The following PPM1H variants were observed in gnomAD, a reference collection of about 807,000 sequenced individuals.
PPM1H encodes protein phosphatase 1H.
Under a neutral mutation model 54.9 loss-of-function variants are expected in PPM1H, and 27 were observed. The ratio of observed to expected loss-of-function variants is 0.49; its 90% confidence interval spans 0.36 to 0.68. The LOEUF is 0.68. Among genes scored for constraint, PPM1H ranks in the 30% least tolerant of loss-of-function variants. The pLI is 0.00. For missense variants in PPM1H, 596 were observed against 667.8 expected (o/e 0.89, Z 1.19); for synonymous variants, 305 against 270.8 (o/e 1.13, Z -1.24).
chr12:62,754,868 T>C (rs1428273479), intron 4 of PPM1H, among the ~76,000 whole-genome samples: 1 of 152,202 alleles, frequency 6.6e-6, no homozygotes, highest in Non-Finnish European at 1.5e-5. Context: ...AGGGTTTCCA[T>C]CCATGAGACA....
At position 62,723,436 on chromosome 12, in the gene PPM1H, A is replaced by T. The variant is rs76523976; in HGVS notation, c.955-3147T>A. Among the ~76,000 whole-genome samples the T allele has an allele frequency of 6.4e-3, 971 of 152,204 alleles. 6 individuals carry two copies. Among genetic ancestry groups the T allele is most frequent in the Non-Finnish European group, 0.01 (700 of 68,016 alleles). On this transcript the variant is annotated intron_variant, in intron 5 of 9. Transcript: ENST00000228705. ...GGTCTGAATGTGTCTCCTAAAATTCATGTGTTGGCAATTTAACCCCTAATG... is the reference window on the plus strand; with the variant it reads ...GGTCTGAATGTGTCTCCTAAAATTCTTGTGTTGGCAATTTAACCCCTAATG...
At chr12:62,681,923 A>G (rs2076020910) in intron 8 of PPM1H, among the ~76,000 whole-genome samples, 1 of 152,202 alleles carries the variant, frequency 6.6e-6, no homozygotes, top group South Asian at 2.1e-4. Context: ...TAAGTACTTC[A>G]TATGTCATTC....
intron 1 of PPM1H, among the ~76,000 whole-genome samples, chr12:62,866,961 C>G (rs540050574): frequency 6.6e-6 from 1 of 152,188 alleles, no homozygotes; most frequent in African/African-American, 2.4e-5. Context: ...TGCTTTCCCC[C>G]TCCTGCCTCA....
At chr12:62,802,540 G>A (rs2076777302) in intron 2 of PPM1H, among the ~76,000 whole-genome samples, 1 of 150,428 alleles carries the variant, frequency 6.6e-6, no homozygotes, top group South Asian at 2.1e-4. Flanking sequence ...TACGAGTCCA[G>A]CTTGAACACC....
intron 1 of PPM1H, among the ~76,000 whole-genome samples, chr12:62,924,225 T>C (rs1871897113): frequency 6.6e-6 from 1 of 152,184 alleles, no homozygotes; most frequent in Admixed American, 6.5e-5. Context: ...GGGGGGGCAG[T>C]AGCCAACTCG....
chr12:62,899,268 G>A (rs1871087234), intron 1 of PPM1H, among the ~76,000 whole-genome samples: 1 of 151,960 alleles, frequency 6.6e-6, no homozygotes, highest in Admixed American at 6.6e-5. Context: ...ATGACAACTG[G>A]TGATCAAAAA....
At chr12:62,889,638 T>G (rs1254394047) in intron 1 of PPM1H, among the ~76,000 whole-genome samples, 1 of 152,190 alleles carries the variant, frequency 6.6e-6, no homozygotes, top group African/African-American at 2.4e-5. Flanking sequence ...TACAGTCAAC[T>G]GATCTTTGAC....
intron 7 of PPM1H, among the ~76,000 whole-genome samples, chr12:62,693,730 T>C (rs563177576): frequency 6.6e-6 from 1 of 152,362 alleles, no homozygotes; most frequent in South Asian, 2.1e-4. Flanking sequence ...GAGTCCCTTG[T>C]GCTCACCGCC....
At chr12:62,659,055 C>T (rs532530900) in intron 9 of PPM1H, 1 of 726,388 alleles carries the variant, frequency 1.4e-6, no homozygotes, top group East Asian at 2.6e-5. Flanking sequence ...GTTCCTGATC[C>T]ACAGCGTCAA....
chr12:62,882,483 TA>T (rs1479575934), intron 1 of PPM1H, among the ~76,000 whole-genome samples: 1 of 152,226 alleles, frequency 6.6e-6, no homozygotes, highest in East Asian at 1.9e-4. Context: ...GATGCACCTC[TA>T]GCAGCTTCTA....
At chr12:62,770,744 CAG>C (rs1346856934) in intron 4 of PPM1H, among the ~76,000 whole-genome samples, 1 of 152,094 alleles carries the variant, frequency 6.6e-6, no homozygotes. Flanking sequence ...GAAAAGCGAG[CAG>C]AGAGATGAAT....
intron 1 of PPM1H, among the ~76,000 whole-genome samples, chr12:62,910,705 G>T (rs1476707233): frequency 1.3e-5 from 2 of 152,084 alleles, no homozygotes; most frequent in African/African-American, 4.8e-5. Flanking sequence ...GATATCTCTT[G>T]ATAAGAAAAA....
At chr12:62,847,689 T>C (rs1345531481) in intron 1 of PPM1H, among the ~76,000 whole-genome samples, 1 of 152,194 alleles carries the variant, frequency 6.6e-6, no homozygotes, top group Non-Finnish European at 1.5e-5. Context: ...ATCAGGCATA[T>C]TTAATCTTCT....
chr12:62,813,577 C>A (rs1017776223), intron 2 of PPM1H, among the ~76,000 whole-genome samples: 22 of 152,150 alleles, frequency 1.4e-4, no homozygotes, highest in Non-Finnish European at 1.9e-4. Context: ...ACATAGTAGA[C>A]AACAGGTTAA....
intron 4 of PPM1H, among the ~76,000 whole-genome samples, chr12:62,758,489 G>A (rs558683126): frequency 3.5e-4 from 54 of 152,126 alleles, no homozygotes; most frequent in Non-Finnish European, 6.2e-4. Flanking sequence ...GACCTACAAT[G>A]CACATGCATG....
chr12:62,828,225 G>GA (rs914665824), intron 2 of PPM1H, among the ~76,000 whole-genome samples: 3 of 152,208 alleles, frequency 2.0e-5, no homozygotes, highest in Admixed American at 1.3e-4. Flanking sequence ...GTAAATTATA[G>GA]AAGTGGAAGC....
At chr12:62,833,232 G>GTT (rs34975830) in intron 1 of PPM1H, among the ~76,000 whole-genome samples, 10,634 of 152,242 alleles carry the variant, frequency 0.07, 495 homozygotes, top group Middle Eastern at 0.15. Context: ...AAGAAAAGGT[G>GTT]TGTTTTTTCT....
At chr12:62,737,613 T>C in intron 4 of PPM1H, 27 bp from the exon 5 acceptor site, 2 of 1,424,102 alleles carry the variant, frequency 1.4e-6, no homozygotes, top group Middle Eastern at 1.8e-4. Context: ...GCATTGTCAG[T>C]AGCCAATCTC....
chr12:62,719,395 T>G (rs2076252190), intron 6 of PPM1H, among the ~76,000 whole-genome samples: 1 of 152,174 alleles, frequency 6.6e-6, no homozygotes, highest in South Asian at 2.1e-4. Flanking sequence ...GGAGGCTCGC[T>G]CGTTAGGACC....
Sources: allele counts gnomAD v4.1 joint callset (sites outside exome capture counted in the v4.1 genomes callset), GRCh38; gene constraint gnomAD v4.1.1; transcripts MANE v1.5; gene names NCBI Gene and HGNC (gene_info 2026-07-23, HGNC 2026-07-21).